Variants in DTD1 observed in about 807,000 individuals in gnomAD.
The protein encoded by DTD1 is D-aminoacyl-tRNA deacylase 1, also known as D-tyrosyl-tRNA deacylase 1 homolog.
In DTD1, 13 loss-of-function variants were observed where a neutral mutation model predicts 25.6. The observed-to-expected ratio is 0.51, with a 90% CI of 0.33 to 0.81. The LOEUF (loss-of-function observed/expected upper bound fraction) is 0.81. Ranked by LOEUF, DTD1 falls within the 30% of genes least tolerant of loss-of-function variation. The probability of loss-of-function intolerance (pLI) is 0.02; values close to 1 mark genes in which losing one functional copy is unlikely to be tolerated. For missense variants in DTD1, 193 were observed against 266.4 expected (o/e 0.72, Z 1.92); for synonymous variants, 110 against 103.6 (o/e 1.06, Z -0.37).
intron 5 of DTD1, among the ~76,000 whole-genome samples, chr20:18,747,739 A>G (rs2061305671): frequency 6.6e-6 from 1 of 152,164 alleles, no homozygotes; most frequent in East Asian, 1.9e-4. Flanking sequence ...TGGGCTGGGC[A>G]TGGTGGCTCA....
At chr20:18,748,103 G>A (rs947635167) in intron 5 of DTD1, among the ~76,000 whole-genome samples, 5 of 152,058 alleles carry the variant, frequency 3.3e-5, no homozygotes, top group African/African-American at 9.7e-5. Context: ...GAACGGGAGA[G>A]GGAGAAACAT....
chr20:18,708,332 ATTTT>A (rs1445226917), intron 4 of DTD1, among the ~76,000 whole-genome samples: 2 of 69,498 alleles, frequency 2.9e-5, no homozygotes, highest in Non-Finnish European at 5.5e-5. Flanking sequence ...ATATATATAT[ATTTT>A]ATATATATAT....
intron 4 of DTD1, among the ~76,000 whole-genome samples, chr20:18,636,606 A>C (rs2060808376): frequency 6.6e-6 from 1 of 152,120 alleles, no homozygotes; most frequent in African/African-American, 2.4e-5. Flanking sequence ...AATCTTAAAG[A>C]GAAGGTTAGG....
intron 4 of DTD1, among the ~76,000 whole-genome samples, chr20:18,699,684 C>T (rs934066953): frequency 7.2e-5 from 11 of 152,098 alleles, no homozygotes; most frequent in Non-Finnish European, 1.5e-4. Flanking sequence ...CATGCTGTCT[C>T]ACTGTAAGAG....
At chr20:18,660,085 A>G (rs1346495631) in intron 4 of DTD1, among the ~76,000 whole-genome samples, 1 of 152,138 alleles carries the variant, frequency 6.6e-6, no homozygotes, top group African/African-American at 2.4e-5. Context: ...TAAAAATACA[A>G]AAATTAGCTA....
At chr20:18,616,439 G>A (rs2060709270) in intron 3 of DTD1, among the ~76,000 whole-genome samples, 5 of 152,154 alleles carry the variant, frequency 3.3e-5, no homozygotes, top group Admixed American at 2.0e-4. Context: ...ATTGTGAACA[G>A]CAACCTGATC....
At chr20:18,707,474 G>A (rs1471805918) in intron 4 of DTD1, among the ~76,000 whole-genome samples, 1 of 152,158 alleles carries the variant, frequency 6.6e-6, no homozygotes, top group Non-Finnish European at 1.5e-5. Context: ...CCAAACTGTG[G>A]TGGTGGGTGT....
chr20:18,606,929 A>T (rs1020013112), intron 3 of DTD1, among the ~76,000 whole-genome samples: 3 of 129,632 alleles, frequency 2.3e-5, no homozygotes, highest in African/African-American at 9.9e-5. Flanking sequence ...AAGTATAATA[A>T]AAAAAAAAAA....
chr20:18,683,190 T>C (rs1036693506), intron 4 of DTD1, among the ~76,000 whole-genome samples: 1 of 152,198 alleles, frequency 6.6e-6, no homozygotes, highest in Non-Finnish European at 1.5e-5. Context: ...CATATGACAG[T>C]AGGGTCTGGC....
intron 1 of DTD1, among the ~76,000 whole-genome samples, chr20:18,589,151 G>C (rs1005683520): frequency 1.3e-5 from 2 of 152,120 alleles, no homozygotes; most frequent in Admixed American, 1.3e-4. Context: ...AGGAGTTCGA[G>C]ACCAGCCTGG....
At chr20:18,714,755 A>G (rs545290591) in intron 4 of DTD1, among the ~76,000 whole-genome samples, 8 of 152,196 alleles carry the variant, frequency 5.3e-5, no homozygotes, top group Non-Finnish European at 8.8e-5. Flanking sequence ...TTGATGAATC[A>G]TCCAAGTCCT....
At chr20:18,703,310 G>A (rs1034627919) in intron 4 of DTD1, among the ~76,000 whole-genome samples, 4 of 152,022 alleles carry the variant, frequency 2.6e-5, no homozygotes, top group East Asian at 1.9e-4. Flanking sequence ...CTTCTGGGTC[G>A]TGTGGAGACC....
At chr20:18,649,743 G>A (rs996761659) in intron 4 of DTD1, among the ~76,000 whole-genome samples, 4 of 152,180 alleles carry the variant, frequency 2.6e-5, no homozygotes, top group African/African-American at 9.7e-5. Context: ...TGTGAGTTGA[G>A]TGTCGCTGAA....
At chr20:18,597,398 C>T (rs1281313007) in intron 3 of DTD1, among the ~76,000 whole-genome samples, 3 of 152,044 alleles carry the variant, frequency 2.0e-5, no homozygotes, top group Non-Finnish European at 4.4e-5. Context: ...TACAATTCAC[C>T]TATTTAAAGT....
intron 4 of DTD1, among the ~76,000 whole-genome samples, chr20:18,707,109 A>T (rs1455060361): frequency 6.6e-6 from 1 of 152,180 alleles, no homozygotes; most frequent in African/African-American, 2.4e-5. Flanking sequence ...CTGGATGTTC[A>T]TCACCTGTAA....
chr20:18,694,565 A>T (rs2061062430), intron 4 of DTD1, among the ~76,000 whole-genome samples: 1 of 152,176 alleles, frequency 6.6e-6, no homozygotes, highest in Non-Finnish European at 1.5e-5. Flanking sequence ...ACTGGTTCGG[A>T]AGCTAATAAG....
intron 4 of DTD1, among the ~76,000 whole-genome samples, chr20:18,729,432 C>T (rs73899875): frequency 0.016 from 2,505 of 152,278 alleles, 27 homozygotes; most frequent in African/African-American, 0.033. Context: ...ACCATGGCCC[C>T]GGGGTATTCA....
At chr20:18,632,657 A>G (rs2060793068) in intron 4 of DTD1, 1 of 983,516 alleles carries the variant, frequency 1.0e-6, no homozygotes, top group African/African-American at 1.7e-5. Flanking sequence ...CTACAATTAC[A>G]TTAAAGAAAA....
intron 4 of DTD1, among the ~76,000 whole-genome samples, chr20:18,636,963 T>C (rs1600335507): frequency 6.6e-6 from 1 of 152,082 alleles, no homozygotes; most frequent in Non-Finnish European, 1.5e-5. Flanking sequence ...TGAGCCAGAG[T>C]TCCTGGAGTG....
Sources: allele counts gnomAD v4.1 joint callset (sites outside exome capture counted in the v4.1 genomes callset), GRCh38; gene constraint gnomAD v4.1.1; transcripts MANE v1.5; gene names NCBI Gene and HGNC (gene_info 2026-07-23, HGNC 2026-07-21).